PLEKHS1: variants seen among roughly 807,000 people sequenced by gnomAD.
The protein encoded by PLEKHS1 is pleckstrin homology domain containing S1, also known as pleckstrin homology domain-containing family S member 1.
Under a neutral mutation model 51.0 loss-of-function variants are expected in PLEKHS1, and 55 were observed. That is an observed-to-expected ratio of 1.08 (90% confidence interval 0.87 to 1.35). PLEKHS1 has a LOEUF of 1.35. Among genes scored for constraint, PLEKHS1 ranks in the 40% most tolerant of loss-of-function variants. The probability of loss-of-function intolerance (pLI) is 0.00; values close to 1 mark genes in which losing one functional copy is unlikely to be tolerated. For missense variants in PLEKHS1, 398 were observed against 423.0 expected, an observed-to-expected ratio of 0.94 and a Z score of 0.52; for synonymous variants, 153 against 144.8, an observed-to-expected ratio of 1.06 and a Z score of -0.41.
intron 4 of PLEKHS1, 21 bp from the exon 5 acceptor site, chr10:113,767,324 C>T: frequency 6.4e-7 from 1 of 1,554,346 alleles, no homozygotes; most frequent in Non-Finnish European, 8.7e-7. Context: ...TGGTTTAATA[C>T]TTTGTGTCTA....
At chr10:113,764,290 G>A (rs1844070186) in intron 2 of PLEKHS1, among the ~76,000 whole-genome samples, 1 of 152,130 alleles carries the variant, frequency 6.6e-6, no homozygotes, top group Non-Finnish European at 1.5e-5. Context: ...TGTAGAGACA[G>A]GGTTTCACCA....
At chr10:113,775,004 C>G (rs779495978) in exon 10 of PLEKHS1, 3 of 1,614,138 alleles carry the variant, frequency 1.9e-6, no homozygotes, top group Non-Finnish European at 2.5e-6. Flanking sequence ...GTCGGCCTCA[C>G]TAACTGTTGT....
intron 7 of PLEKHS1, among the ~76,000 whole-genome samples, chr10:113,770,869 T>A (rs913239051): frequency 4.6e-5 from 7 of 152,224 alleles, no homozygotes; most frequent in Non-Finnish European, 4.4e-5. Flanking sequence ...GAGTTAACAG[T>A]ACTGTTTGCC....
Position 113,768,736 on chromosome 10 carries a change from A to G in PLEKHS1, c.360-79A>G, listed in dbSNP as rs539433663. ...TACCTGCTCTCACCACCATTCTAACATTCATAAAAGAATCCTTCTCTGGTT... is the reference window on the plus strand; with the variant it reads ...TACCTGCTCTCACCACCATTCTAACGTTCATAAAAGAATCCTTCTCTGGTT... On this transcript the variant is annotated intron_variant, in intron 5 of 11. Transcript: ENST00000361048. 1.6e-5 allele frequency: 19 copies of G among 1,196,346 alleles called. No individual in the cohort carries two copies. In the African/African-American group the frequency reaches 2.5e-4, roughly 16 times the overall value. 74.1% of individuals were successfully genotyped at this position (1,196,346 alleles called of 1,614,324 possible).
chr10:113,755,306 G>A lies in PLEKHS1; in HGVS notation c.28+1G>A. On this transcript the variant is annotated splice_donor_variant, in intron 2 of 11. Coordinates refer to ENST00000361048, the Ensembl canonical transcript of PLEKHS1. LOFTEE classifies it high-confidence loss of function. The stretch of plus-strand genomic sequence containing the variant: ...GAACCCAAACCTCAGAAGAGTCCAG[G>A]TACCCGAGGGGTATAATCGCAGAAG... The A allele has an allele frequency of 6.2e-7, 1 of 1,607,170 alleles. No individual in the cohort carries two copies.
At chr10:113,780,988 G>A (rs1010967060) in exon 12 of PLEKHS1, 1 of 570,338 alleles carries the variant, frequency 1.8e-6, no homozygotes, top group South Asian at 2.4e-5. Flanking sequence ...GAACCTGGGG[G>A]AATTGGAAGG....
chr10:113,761,446 T>C (rs1457292560), intron 2 of PLEKHS1, among the ~76,000 whole-genome samples: 2 of 139,756 alleles, frequency 1.4e-5, no homozygotes, highest in Non-Finnish European at 3.2e-5. Context: ...TTTATGTCTC[T>C]TTATTTCAGC....
rs1335663521 is a variant in PLEKHS1 at position 113,775,752 on chromosome 10, G to A, written c.990-13G>A. On this transcript the variant is annotated splice_polypyrimidine_tract_variant and intron_variant, in intron 10 of 11. Coordinates refer to ENST00000361048, the Ensembl canonical transcript of PLEKHS1. Reference sequence around the variant, plus strand: ...GTTGCCTGATGTGACTTTTACAAATGTCTTGTTCATAGTAATATCCCCGAT... The same window carrying A: ...GTTGCCTGATGTGACTTTTACAAATATCTTGTTCATAGTAATATCCCCGAT... 6.3e-6 allele frequency: 10 copies of A among 1,598,132 alleles called. No homozygotes were observed. The highest frequency in any genetic ancestry group is 5.4e-5 in the African/African-American group (4 of 74,538).
intron 7 of PLEKHS1, among the ~76,000 whole-genome samples, 194 bp from the exon 8 acceptor site, chr10:113,771,776 T>C (rs1844423293): frequency 6.6e-6 from 1 of 151,980 alleles, no homozygotes; most frequent in Non-Finnish European, 1.5e-5. Flanking sequence ...GTGATGTGCT[T>C]ATATGTTTTC....
Position 113,767,334 on chromosome 10 carries a change from A to G in PLEKHS1, c.225-11A>G, listed in dbSNP as rs1296279737. 3 of 1,583,032 alleles carry G rather than the reference A, an allele frequency of 1.9e-6. No homozygotes were observed. Among genetic ancestry groups the G allele is most frequent in the Admixed American group, 3.6e-5 (2 of 55,390 alleles). On this transcript the variant is annotated splice_polypyrimidine_tract_variant and intron_variant, in intron 4 of 11. Transcript: ENST00000361048. ...TACCTTGGTTTAATACTTTGTGTCTATATCTAATAGAAATTCCAGTGTAGA... is the reference window on the plus strand; with the variant it reads ...TACCTTGGTTTAATACTTTGTGTCTGTATCTAATAGAAATTCCAGTGTAGA...
downstream of PLEKHS1, chr10:113,782,956 C>G (rs1160290194): frequency 6.6e-6 from 1 of 152,124 alleles, no homozygotes; most frequent in East Asian, 1.9e-4. Flanking sequence ...AAAAATCAGG[C>G]TGGACGTGGT....
intron 4 of PLEKHS1, 86 bp downstream of exon 4, chr10:113,766,804 T>A: frequency 1.9e-6 from 2 of 1,063,950 alleles, no homozygotes; most frequent in Non-Finnish European, 2.7e-6. Flanking sequence ...GAAATTTACA[T>A]AATTGACCAA....
chr10:113,769,600 G>A (rs1844307323), intron 6 of PLEKHS1, among the ~76,000 whole-genome samples, 184 bp from the exon 7 acceptor site: 1 of 152,200 alleles, frequency 6.6e-6, no homozygotes, highest in Non-Finnish European at 1.5e-5. Flanking sequence ...GTCCTCAAGG[G>A]TTTGGAAACA....
At chr10:113,773,897 T>C (rs1272744386) in intron 8 of PLEKHS1, among the ~76,000 whole-genome samples, 2 of 152,210 alleles carry the variant, frequency 1.3e-5, no homozygotes, top group Non-Finnish European at 2.9e-5. Flanking sequence ...CATGATTCTA[T>C]AGTAGAACTG....
At chr10:113,765,478 G>C (rs569881365) in intron 2 of PLEKHS1, 6 of 758,730 alleles carry the variant, frequency 7.9e-6, no homozygotes, top group Non-Finnish European at 1.5e-5. Context: ...TGTGTTAATC[G>C]ACACTCTTGA....
At chr10:113,773,367 C>A (rs961935327) in intron 8 of PLEKHS1, among the ~76,000 whole-genome samples, 1 of 151,890 alleles carries the variant, frequency 6.6e-6, no homozygotes, top group Non-Finnish European at 1.5e-5. Context: ...CTGGCCTTTG[C>A]TAGGTACTTT....
intron 2 of PLEKHS1, among the ~76,000 whole-genome samples, chr10:113,759,699 G>A (rs1407146819): frequency 4.6e-5 from 7 of 152,066 alleles, no homozygotes; most frequent in Non-Finnish European, 1.0e-4. Context: ...GAATATCCAG[G>A]TTGCTTCCAG....
At chr10:113,778,202 TG>T (rs1456326396) in intron 11 of PLEKHS1, 5 of 156,528 alleles carry the variant, frequency 3.2e-5, no homozygotes, top group African/African-American at 1.2e-4. Flanking sequence ...AGTGAGAGGC[TG>T]GTTTTCAAAC....
chr10:113,760,120 TTCTG>T (rs1388526266), intron 2 of PLEKHS1, among the ~76,000 whole-genome samples: 1 of 152,218 alleles, frequency 6.6e-6, no homozygotes, highest in Non-Finnish European at 1.5e-5. Context: ...TATGAACACT[TTCTG>T]TCTGACATCT....
Sources: allele counts gnomAD v4.1 joint callset (sites outside exome capture counted in the v4.1 genomes callset), GRCh38; gene constraint gnomAD v4.1.1; transcripts MANE v1.5; gene names NCBI Gene and HGNC (gene_info 2026-07-23, HGNC 2026-07-21).